Variants in PRELID2 observed in about 807,000 individuals in gnomAD.
PRELID2 encodes PRELI domain containing 2, also known as PRELI domain-containing protein 2.
A neutral mutation model predicts 28.4 loss-of-function variants in PRELID2; 25 were observed. That is an observed-to-expected ratio of 0.88 (90% CI 0.64 to 1.23). The LOEUF (loss-of-function observed/expected upper bound fraction) is 1.23. Among genes scored for constraint, PRELID2 ranks in the 50% most tolerant of loss-of-function variants. The pLI, the probability that PRELID2 is intolerant of heterozygous loss-of-function variation, is 0.00. For missense variants in PRELID2, 201 were observed against 214.4 expected (o/e 0.94, Z 0.39); for synonymous variants, 76 against 71.6 (o/e 1.06, Z -0.31).
At chr5:145,532,455 AT>A (rs1279975534) in intron 1 of PRELID2, among the ~76,000 whole-genome samples, 2 of 152,186 alleles carry the variant, frequency 1.3e-5, no homozygotes, top group African/African-American at 4.8e-5. Context: ...ATTACCTCAC[AT>A]CCTTATCATT....
intron 1 of PRELID2, among the ~76,000 whole-genome samples, chr5:145,663,386 G>A (rs1376246717): frequency 6.6e-6 from 1 of 151,964 alleles, no homozygotes; most frequent in Admixed American, 6.6e-5. Context: ...GCCATCTCTG[G>A]TCACAATTGA....
chr5:145,485,418 A>G (rs1437744448), intron 1 of PRELID2, among the ~76,000 whole-genome samples: 3 of 152,244 alleles, frequency 2.0e-5, no homozygotes, highest in African/African-American at 7.2e-5. Context: ...CAGTGATTCC[A>G]GTTCAAAGCT....
rs1561567852 is a variant in PRELID2 at position 145,741,471 on chromosome 5, CAAAATTTATTTATAAATAAATTATATAT to C, written n.70+23432_70+23459del. Among the ~76,000 whole-genome samples, 95 of 30,806 alleles carry C rather than the reference CAAAATTTATTTATAAATAAATTATATAT, an allele frequency of 3.1e-3. No individual in the cohort carries two copies. In the East Asian group the frequency reaches 0.047, roughly 15 times the overall value. 20.2% of individuals were successfully genotyped at this position (30,806 alleles called of 152,430 possible). ...TATAAATAATTTATTTATATATAAACAAAATTTATTTATAAATAAATTATATATAAAATTTATTTATAAATAATTTATT... is the reference window on the plus strand; with the variant it reads ...TATAAATAATTTATTTATATATAAACAAAATTTATTTATAAATAATTTATT... On this transcript the variant is annotated intron_variant and non_coding_transcript_variant, in intron 1 of 2. Coordinates refer to the PRELID2 transcript ENST00000510259.
At chr5:145,482,723 T>C (rs1365038299) in intron 1 of PRELID2, among the ~76,000 whole-genome samples, 1 of 151,958 alleles carries the variant, frequency 6.6e-6, no homozygotes, top group East Asian at 1.9e-4. Context: ...CAACTCACCA[T>C]AATGTAGAAT....
At chr5:145,486,427 C>T (rs926646634) in intron 1 of PRELID2, among the ~76,000 whole-genome samples, 1 of 152,154 alleles carries the variant, frequency 6.6e-6, no homozygotes, top group African/African-American at 2.4e-5. Context: ...GGCTATTCCT[C>T]AGAAACACTT....
At chr5:145,450,089 G>T in the PRELID2 span, among the ~76,000 whole-genome samples, 2 of 152,072 alleles carry the variant, frequency 1.3e-5, no homozygotes, top group African/African-American at 4.8e-5. Flanking sequence ...AAAAAGCTGC[G>T]CCTGAGCAAA....
chr5:145,657,149 AGATAAT>A (rs993007790), intron 1 of PRELID2, among the ~76,000 whole-genome samples: 3 of 152,314 alleles, frequency 2.0e-5, no homozygotes, highest in Non-Finnish European at 2.9e-5. Context: ...TGGGTCAAAC[AGATAAT>A]AATAATAATA....
At chr5:145,438,567 T>C in the PRELID2 span, among the ~76,000 whole-genome samples, 4 of 152,168 alleles carry the variant, frequency 2.6e-5, no homozygotes, top group African/African-American at 9.6e-5. Flanking sequence ...GGATTTTTAT[T>C]ATTTATTGAT....
At chr5:145,521,480 T>G (rs890023570) in intron 1 of PRELID2, among the ~76,000 whole-genome samples, 2 of 152,202 alleles carry the variant, frequency 1.3e-5, no homozygotes, top group African/African-American at 2.4e-5. Flanking sequence ...AACATGGGGA[T>G]CCAGTGTGGT....
At chr5:145,595,558 G>A (rs17419257) in intron 1 of PRELID2, among the ~76,000 whole-genome samples, 6,458 of 152,224 alleles carry the variant, frequency 0.042, 183 homozygotes, top group Non-Finnish European at 0.062. Context: ...GGACTAAGAT[G>A]TCAGTATTGT....
At chr5:145,465,862 G>A in the PRELID2 span, among the ~76,000 whole-genome samples, 273 of 152,164 alleles carry the variant, frequency 1.8e-3, 2 homozygotes, top group African/African-American at 6.0e-3. Flanking sequence ...GGCAAACCCA[G>A]GCAGCCTTGA....
At chr5:145,588,615 G>A (rs563126198) in intron 1 of PRELID2, among the ~76,000 whole-genome samples, 1 of 152,230 alleles carries the variant, frequency 6.6e-6, no homozygotes, top group South Asian at 2.1e-4. Flanking sequence ...AATTGAGAGA[G>A]GGTGCACATG....
the PRELID2 span, among the ~76,000 whole-genome samples, chr5:145,421,947 C>T: frequency 1.3e-5 from 2 of 151,982 alleles, no homozygotes; most frequent in African/African-American, 4.8e-5. Context: ...TGTTCTCCTT[C>T]GTTTCAAAGA....
At chr5:145,249,452 T>G in the PRELID2 span, among the ~76,000 whole-genome samples, 4 of 152,156 alleles carry the variant, frequency 2.6e-5, no homozygotes, top group Non-Finnish European at 5.9e-5. Flanking sequence ...GATTGGACAA[T>G]GGACTGTTAC....
chr5:145,515,018 G>A (rs914414285), intron 1 of PRELID2, among the ~76,000 whole-genome samples: 4 of 152,166 alleles, frequency 2.6e-5, no homozygotes, highest in Admixed American at 6.5e-5. Flanking sequence ...TGTTTAGAGG[G>A]AAATTTATAG....
At chr5:145,531,323 T>A (rs746804531) in intron 1 of PRELID2, among the ~76,000 whole-genome samples, 3 of 152,174 alleles carry the variant, frequency 2.0e-5, no homozygotes, top group Non-Finnish European at 4.4e-5. Context: ...ATTTCATTAC[T>A]TTCTCTCCCC....
the PRELID2 span, among the ~76,000 whole-genome samples, chr5:145,350,600 T>G: frequency 6.6e-6 from 1 of 152,220 alleles, no homozygotes; most frequent in Admixed American, 6.5e-5. Flanking sequence ...TCACTCATGA[T>G]TCACTCTAAT....
At chr5:145,481,076 G>C (rs977659285) in intron 1 of PRELID2, among the ~76,000 whole-genome samples, 2 of 152,048 alleles carry the variant, frequency 1.3e-5, no homozygotes, top group African/African-American at 4.8e-5. Context: ...TACATTATTT[G>C]AGTGGGGTCA....
intron 1 of PRELID2, among the ~76,000 whole-genome samples, chr5:145,570,275 T>A (rs1477890503): frequency 6.6e-6 from 1 of 152,108 alleles, no homozygotes; most frequent in Non-Finnish European, 1.5e-5. Flanking sequence ...ATCCAACCCA[T>A]AACAAGCCTC....
Sources: gnomAD v4.1 joint callset for allele counts (sites outside exome capture counted in the v4.1 genomes callset) on GRCh38, gnomAD v4.1.1 for gene constraint, MANE v1.5 for transcripts, NCBI Gene and HGNC (gene_info 2026-07-23, HGNC 2026-07-21) for gene names.